CNBD1: variants seen among roughly 807,000 people sequenced by gnomAD.
The protein encoded by CNBD1 is cyclic nucleotide-binding domain-containing protein 1.
A neutral mutation model predicts 54.4 loss-of-function variants in CNBD1; 71 were observed. The observed-to-expected ratio is 1.30, with a 90% CI of 1.08 to 1.59. The LOEUF (loss-of-function observed/expected upper bound fraction) is 1.59, where lower values mean the gene tolerates loss of function less well. CNBD1 is among the 40% of genes most tolerant of loss of function. The probability of loss-of-function intolerance (pLI) is 0.00; values close to 1 mark genes in which losing one functional copy is unlikely to be tolerated. For missense variants in CNBD1, 659 were observed against 518.0 expected (o/e 1.27, Z -2.64); for synonymous variants, 182 against 170.7 (o/e 1.07, Z -0.51).
intron 2 of CNBD1, among the ~76,000 whole-genome samples, chr8:87,420,603 C>A (rs1334336140): frequency 1.3e-5 from 2 of 151,894 alleles, no homozygotes; most frequent in African/African-American, 4.8e-5. Context: ...AGAGAGACAA[C>A]CCCATTTCAA....
chr8:87,344,142 G>A (rs904622358), intron 8 of CNBD1, among the ~76,000 whole-genome samples: 7 of 151,930 alleles, frequency 4.6e-5, no homozygotes, highest in East Asian at 1.9e-4. Context: ...GTACAAACAG[G>A]AAAAATAATC....
Position 86,940,134 on chromosome 8 carries a change from T to TTTTTTTC in CNBD1, c.431+386_431+387insCTTTTTT, listed in dbSNP as rs1388948865. 4.6e-3 allele frequency among the ~76,000 whole-genome samples: 60 copies of TTTTTTTC among 13,084 alleles called. 4 individuals carry two copies. In the African/African-American group the frequency reaches 0.06, roughly 13 times the overall value. The allele number at this position is 13,084 out of a possible 152,430, so 8.6% of individuals were successfully genotyped here. The stretch of plus-strand genomic sequence containing the variant: ...TTAAATAAACTTACCACATGTTACT[T>TTTTTTTC]TTTTTTTTTTTTTTTTTGAGACTGT... On this transcript the variant is annotated intron_variant, in intron 4 of 10. Transcript: ENST00000518476.
At chr8:87,336,509 T>C (rs938495319) in intron 8 of CNBD1, among the ~76,000 whole-genome samples, 2 of 152,212 alleles carry the variant, frequency 1.3e-5, no homozygotes, top group African/African-American at 4.8e-5. Context: ...TTGTGTATGC[T>C]TCATGAAGTT....
At chr8:87,334,161 G>T (rs201931639) in intron 8 of CNBD1, among the ~76,000 whole-genome samples, 2 of 151,990 alleles carry the variant, frequency 1.3e-5, no homozygotes, top group East Asian at 3.9e-4. Context: ...TTTCTAGTTT[G>T]TTTGCATAGA....
chr8:87,415,303 G>T (rs966558008), intron 2 of CNBD1, among the ~76,000 whole-genome samples: 3 of 151,704 alleles, frequency 2.0e-5, no homozygotes, highest in Admixed American at 6.6e-5. Context: ...CCAAGAATTT[G>T]TATTATTAAG....
At chr8:87,117,398 C>CA (rs57622902) in intron 4 of CNBD1, among the ~76,000 whole-genome samples, 34,288 of 106,982 alleles carry the variant, frequency 0.32, 5,334 homozygotes, top group Admixed American at 0.39. Flanking sequence ...GATTCCGTCT[C>CA]AAAAAAAAAA....
chr8:87,299,997 G>GA (rs1421285007), intron 8 of CNBD1, among the ~76,000 whole-genome samples: 1 of 152,046 alleles, frequency 6.6e-6, no homozygotes, highest in Non-Finnish European at 1.5e-5. Context: ...AGAAAAAAAT[G>GA]AAAAATATAA....
chr8:87,354,567 CCA>C (rs1810386420), intron 10 of CNBD1, among the ~76,000 whole-genome samples: 1 of 151,908 alleles, frequency 6.6e-6, no homozygotes, highest in Non-Finnish European at 1.5e-5. Context: ...TCCCCCCACC[CCA>C]CAACTGTCCC....
At chr8:87,199,692 C>T (rs750983300) in intron 4 of CNBD1, among the ~76,000 whole-genome samples, 5 of 152,142 alleles carry the variant, frequency 3.3e-5, no homozygotes, top group Non-Finnish European at 7.4e-5. Flanking sequence ...CTTTCTGTTT[C>T]CTTCTCCTCA....
intron 2 of CNBD1, among the ~76,000 whole-genome samples, chr8:87,418,934 A>C (rs727565): frequency 0.54 from 81,937 of 151,602 alleles, 23,058 homozygotes; most frequent in African/African-American, 0.68. Flanking sequence ...TATATGACTC[A>C]GCAATTCCAC....
At chr8:87,036,808 T>A (rs1245914959) in intron 4 of CNBD1, among the ~76,000 whole-genome samples, 1 of 152,126 alleles carries the variant, frequency 6.6e-6, no homozygotes, top group Non-Finnish European at 1.5e-5. Context: ...CATATCATTT[T>A]TTTCCCTAGA....
chr8:87,041,412 C>G (rs533653830), intron 4 of CNBD1, among the ~76,000 whole-genome samples: 55 of 152,058 alleles, frequency 3.6e-4, no homozygotes, highest in Non-Finnish European at 6.8e-4. Flanking sequence ...AAAGCAACCA[C>G]GTCGGTGTGA....
At position 86,966,113 on chromosome 8, in the gene CNBD1, T is replaced by A. The variant is rs1238368264; in HGVS notation, c.431+26359T>A. On this transcript the variant is annotated intron_variant, in intron 4 of 10. Transcript: ENST00000518476. ...GCCATGGGTGGGCCCAGAAGAGCCA[T>A]AATGAGTCCCCACTCTGGTCTGCAG... 3.9e-5 allele frequency among the ~76,000 whole-genome samples: 6 copies of A among 152,282 alleles called. No homozygotes were observed. The East Asian group carries it at 1.2e-3, about 29-fold the overall frequency.
At chr8:87,226,083 G>A (rs1028305397) in intron 5 of CNBD1, among the ~76,000 whole-genome samples, 10 of 152,088 alleles carry the variant, frequency 6.6e-5, no homozygotes, top group African/African-American at 2.4e-4. Context: ...GATCGGTGGT[G>A]ATATCCCCTT....
At position 86,993,365 on chromosome 8, in the gene CNBD1, G is replaced by A. The variant is rs1228499455; in HGVS notation, c.431+53611G>A. On this transcript the variant is annotated intron_variant, in intron 4 of 10. Transcript: ENST00000518476. ...TTTCATCTCTTTTATCTCATGGATTGTTTTACTAGAGTCCTGGGATTGGGT... is the reference window on the plus strand; with the variant it reads ...TTTCATCTCTTTTATCTCATGGATTATTTTACTAGAGTCCTGGGATTGGGT... Among the ~76,000 whole-genome samples the A allele has an allele frequency of 2.2e-4, 34 of 151,806 alleles. 1 individual carries two copies. The highest frequency in any genetic ancestry group is 2.2e-3 in the Admixed American group (34 of 15,232).
At chr8:87,226,026 G>A (rs369041841) in intron 5 of CNBD1, among the ~76,000 whole-genome samples, 25,241 of 151,210 alleles carry the variant, frequency 0.17, 2,234 homozygotes, top group South Asian at 0.24. Flanking sequence ...GTTTATTTGC[G>A]TAGAGGTGTT....
At chr8:87,279,604 G>A (rs943814285) in intron 6 of CNBD1, among the ~76,000 whole-genome samples, 2 of 151,194 alleles carry the variant, frequency 1.3e-5, no homozygotes, top group African/African-American at 4.8e-5. Flanking sequence ...TTTATTGCAA[G>A]AGCATCATTA....
chr8:87,110,333 G>A (rs1466169182), intron 4 of CNBD1, among the ~76,000 whole-genome samples: 1 of 152,156 alleles, frequency 6.6e-6, no homozygotes, highest in African/African-American at 2.4e-5. Flanking sequence ...CTGCTGCTGT[G>A]TGGCCTAAGC....
chr8:87,247,355 G>A (rs186948873), intron 6 of CNBD1, among the ~76,000 whole-genome samples: 6 of 152,240 alleles, frequency 3.9e-5, no homozygotes, highest in Non-Finnish European at 7.4e-5. Flanking sequence ...AGGTGATCAC[G>A]CACCAGCTCT....
Sources: allele counts gnomAD v4.1 joint callset (sites outside exome capture counted in the v4.1 genomes callset), GRCh38; gene constraint gnomAD v4.1.1; transcripts MANE v1.5; gene names NCBI Gene and HGNC (gene_info 2026-07-23, HGNC 2026-07-21).